The following NLRC3 variants were observed in gnomAD, a reference collection of about 807,000 sequenced individuals.
NLRC3 encodes the protein NLR family CARD domain-containing protein 3.
A neutral mutation model predicts 91.6 loss-of-function variants in NLRC3; 87 were observed. The observed-to-expected ratio is 0.95, with a 90% CI of 0.80 to 1.14. The LOEUF is 1.14. NLRC3 is among the 50% of genes most tolerant of loss of function. The pLI is 0.00. For synonymous variants in NLRC3, 694 were observed against 625.3 expected, an observed-to-expected ratio of 1.11 and a Z score of -1.64; for missense variants, 1,577 against 1,418.6, an observed-to-expected ratio of 1.11 and a Z score of -1.79.
In NLRC3 at chr16:3,563,088, C is replaced by T. The variant is rs1222465640; in HGVS notation, c.1849G>A (p.Glu617Lys). ...LLQVSDACAQ[E>K]ANLSLSLSQG... The stretch of plus-strand genomic sequence containing the variant: ...CTGAGGCTCAGGGACAGGTTGGCCT[C>T]CTGGGCACAGGCGTCGGACACCTGC... Residue 617 changes from glutamate to lysine, a missense_variant, in exon 5 of 20, where the codon GAG (glutamate) becomes AAG (lysine). Transcript: ENST00000359128. The T allele has an allele frequency of 6.4e-7, 1 of 1,572,528 alleles. No homozygotes were observed. Among genetic ancestry groups the T allele is most frequent in the Non-Finnish European group, 8.6e-7 (1 of 1,159,584 alleles).
intron 16 of NLRC3, 66 bp downstream of exon 16, chr16:3,544,176 AAAAG>A (rs1168791780): frequency 1.1e-6 from 1 of 935,612 alleles, no homozygotes; most frequent in African/African-American, 1.7e-5. Context: ...AAAAAAAAAA[AAAAG>A]ACCTCTAACG....
intron 9 of NLRC3, among the ~76,000 whole-genome samples, chr16:3,552,746 C>G (rs535916070): frequency 7.9e-5 from 12 of 152,194 alleles, no homozygotes; most frequent in Non-Finnish European, 1.3e-4. Flanking sequence ...TCGAGACTAT[C>G]CTGGCCAACA....
rs2039419351 is a variant in NLRC3, at chr16:3,557,814, C to T, written c.2016-138G>A. ...TGGACATAGGTGGAGATGAGGTGAC[C>T]CCTGGAGCAGAATGCCAGGCACAGC... On this transcript the variant is annotated intron_variant, in intron 6 of 19. Coordinates refer to ENST00000359128, the MANE Select transcript of NLRC3 (RefSeq NM_178844.4). 6 of 622,410 alleles carry T rather than the reference C, an allele frequency of 9.6e-6. No homozygotes were observed. The East Asian group carries it at 1.7e-4, about 18-fold the overall frequency. The allele number at this position is 622,410 out of a possible 1,614,324, so 38.6% of individuals were successfully genotyped here.
chr16:3,549,004 AG>A lies in NLRC3; in HGVS notation c.2603+137del, dbSNP rs2038850842. ...AGTGGGGGACTTGCCACCCGATGTCAGGTCTCCTGGCTGCACCCTCCCCAGC... is the reference window on the plus strand; with the variant it reads ...AGTGGGGGACTTGCCACCCGATGTCAGTCTCCTGGCTGCACCCTCCCCAGC... On this transcript the variant is annotated intron_variant, in intron 13 of 19. Coordinates refer to ENST00000359128, the MANE Select transcript of NLRC3 (RefSeq NM_178844.4). The A allele has an allele frequency of 4.2e-6, 3 of 717,562 alleles. No homozygotes were observed. The East Asian group carries it at 8.1e-5, about 19-fold the overall frequency. The allele number at this position is 717,562 out of a possible 1,614,324, so 44.4% of individuals were successfully genotyped here.
Position 3,557,591 on chromosome 16 carries a change from A to T in NLRC3, c.2099+2T>A. ...AGTTCGGCCTTGGTTGTCCTTACTTACTCCAGAGAGGTCAGACTTCTGTTG... is the reference window on the plus strand; with the variant it reads ...AGTTCGGCCTTGGTTGTCCTTACTTTCTCCAGAGAGGTCAGACTTCTGTTG... On this transcript the variant is annotated splice_donor_variant, in intron 7 of 19. Transcript: ENST00000359128. LOFTEE classifies it high-confidence loss of function. 6.2e-7 allele frequency: 1 copy of T among 1,605,884 alleles called. No homozygotes were observed. Among genetic ancestry groups the T allele is most frequent in the Non-Finnish European group, 8.5e-7 (1 of 1,173,078 alleles).
chr16:3,563,314 G>T lies in NLRC3; in HGVS notation c.1623C>A (p.Ala541=). 6.3e-7 allele frequency: 1 copy of T among 1,599,698 alleles called. No homozygotes were observed. The highest frequency in any genetic ancestry group is 2.3e-5 in the East Asian group (1 of 44,382). Residue 541 remains alanine (A), a synonymous_variant, in exon 5 of 20, where the codon GCC becomes GCA. Transcript: ENST00000359128. ...GGAGCTCAGCCACCTGGGTCCGGTA[G>T]GCCTGGTGCTCGCCTTGGGCCAGCA... ...GSLLAQGEHQ[A]YRTQVAELLQ... is the part of the protein sequence containing the mutation.
chr16:3,543,509 CTG>C lies in NLRC3; in HGVS notation c.2856-3_2856-2del, dbSNP rs1427160568. The C allele has an allele frequency of 1.2e-6, 2 of 1,611,508 alleles. No individual in the cohort carries two copies. Among genetic ancestry groups the C allele is most frequent in the Non-Finnish European group, 1.7e-6 (2 of 1,179,008 alleles). ...AGCACCAATTGAGGCCACCTGGAGA[CTG>C]GGGCGGAGAGGGTGCCGTCAGTGTG... On this transcript the variant is annotated splice_acceptor_variant and splice_polypyrimidine_tract_variant and intron_variant, in intron 16 of 19. Transcript: ENST00000359128. LOFTEE classifies it high-confidence loss of function.
At position 3,564,262 on chromosome 16, in the gene NLRC3, C is replaced by T. The variant is rs1303358943; in HGVS notation, c.675G>A (p.Arg225=). 8 of 1,612,404 alleles carry T rather than the reference C, an allele frequency of 5.0e-6. No homozygotes were observed. Among genetic ancestry groups the T allele is most frequent in the Non-Finnish European group, 6.8e-6 (8 of 1,179,658 alleles). The part of the protein sequence containing the change: ...LLILDGLDEC[R]TPLDFSNTVA... ...CGGTGTTGGAGAAGTCCAGAGGCGT[C>T]CTGCACTCATCCAAGCCGTCCAGGA... Residue 225 remains arginine (R), a synonymous_variant, in exon 5 of 20, where the codon AGG becomes AGA. Transcript: ENST00000359128. The surrounding 1 kb of genome is among the most constrained non-coding windows in gnomAD (Gnocchi z 5.9).
intron 2 of NLRC3, among the ~76,000 whole-genome samples, chr16:3,565,933 G>A (rs556287656): frequency 6.6e-6 from 1 of 151,274 alleles, no homozygotes; most frequent in East Asian, 1.9e-4. Flanking sequence ...CCAGCTACTT[G>A]GGAGGCCAAG....
intron 7 of NLRC3, among the ~76,000 whole-genome samples, 197 bp from the exon 8 acceptor site, chr16:3,557,191 G>C (rs1021719115): frequency 9.2e-5 from 14 of 152,188 alleles, no homozygotes; most frequent in Admixed American, 2.0e-4. Context: ...CTCAGGTGTT[G>C]GGGGAAAGAA....
At chr16:3,550,869 A>T (rs1405576026) in intron 10 of NLRC3, among the ~76,000 whole-genome samples, 1 of 152,106 alleles carries the variant, frequency 6.6e-6, no homozygotes, top group Non-Finnish European at 1.5e-5. Context: ...CTGAGTCTCC[A>T]TTCTCCTCGG....
At position 3,549,183 on chromosome 16, in the gene NLRC3, G is replaced by A. The variant is rs375250755; in HGVS notation, c.2562C>T (p.Ile854=). 2.1e-5 allele frequency: 34 copies of A among 1,589,140 alleles called. No individual in the cohort carries two copies. The highest frequency in any genetic ancestry group is 1.0e-4 in the South Asian group (9 of 86,954). Residue 854 remains isoleucine, a synonymous_variant, in exon 13 of 20, where the codon ATC becomes ATT. Transcript: ENST00000359128. ...NSISPEGAQA[I]AHALCANSTL... ...TGCTGTTGGCGCAGAGGGCATGAGC[G>A]ATGGCCTGGGCTCCCTCGGGACTGA...
intron 11 of NLRC3, 119 bp downstream of exon 11, chr16:3,550,295 C>G: frequency 1.5e-6 from 1 of 663,522 alleles, no homozygotes. Context: ...CAGTGTGTGC[C>G]CAGGGTTAGT....
At position 3,564,113 on chromosome 16, in the gene NLRC3, A is replaced by T; in HGVS notation, c.824T>A (p.Ile275Asn). The T allele has an allele frequency of 6.2e-7, 1 of 1,613,710 alleles. No homozygotes were observed. Among genetic ancestry groups the T allele is most frequent in the Non-Finnish European group, 8.5e-7 (1 of 1,179,890 alleles). Residue 275 changes from isoleucine to asparagine, a missense_variant, in exon 5 of 20, where the codon ATC becomes AAC. Ile to Asn is a moderately radical substitution (Grantham distance 149). Coordinates refer to ENST00000359128, the MANE Select transcript of NLRC3 (RefSeq NM_178844.4). The surrounding 1 kb of genome is among the most constrained non-coding windows in gnomAD (Gnocchi z 5.9). ...CATCCGGTCCACCAGGCCCCCTGGG[A>T]TCTGGCCAGATGCACTGGGACGGGA... The part of the protein sequence containing the change: ...ITSRPSASGQ[I>N]PGGLVDRMTE...
chr16:3,571,943 AAATAAT>A (rs896127024), intron 1 of NLRC3, among the ~76,000 whole-genome samples: 152 of 151,760 alleles, frequency 1.0e-3, no homozygotes, highest in African/African-American at 3.3e-3. Context: ...CCATCTCAAA[AAATAAT>A]AATAATAATT....
intron 6 of NLRC3, among the ~76,000 whole-genome samples, chr16:3,561,279 A>G (rs1419778634): frequency 6.6e-6 from 1 of 152,090 alleles, no homozygotes; most frequent in East Asian, 2.0e-4. Context: ...CCTGGGAGGC[A>G]GAGATTACAA....
At chr16:3,572,533 C>T (rs960838501) in intron 1 of NLRC3, among the ~76,000 whole-genome samples, 1 of 152,194 alleles carries the variant, frequency 6.6e-6, no homozygotes, top group African/African-American at 2.4e-5. Context: ...AGCAATCTTC[C>T]CACCTTGGCC....
At chr16:3,544,028 G>A (rs2038551385) in intron 16 of NLRC3, 2 of 535,598 alleles carry the variant, frequency 3.7e-6, no homozygotes, top group East Asian at 3.1e-5. Context: ...GGTGGTGCAC[G>A]CCTGTTATCC....
At chr16:3,542,009 C>G in intron 19 of NLRC3, 94 bp from the exon 20 acceptor site, 1 of 843,420 alleles carries the variant, frequency 1.2e-6, no homozygotes. Flanking sequence ...CCATGCAAAG[C>G]CTTTGTGCTT....
Sources: gnomAD v4.1 joint callset for allele counts (sites outside exome capture counted in the v4.1 genomes callset) on GRCh38, gnomAD v4.1.1 for gene constraint, Gnocchi (gnomAD v3.1) non-coding constraint, MANE v1.5 for transcripts, NCBI Gene and HGNC (gene_info 2026-07-23, HGNC 2026-07-21) for gene names.